ETV6: variants seen among roughly 807,000 people sequenced by gnomAD.
The protein encoded by ETV6 is ETS variant transcription factor 6, also known as transcription factor ETV6.
Under a neutral mutation model 51.1 loss-of-function variants are expected in ETV6, and 16 were observed. That is an observed-to-expected ratio of 0.31 (90% CI 0.21 to 0.48). ETV6 has a LOEUF of 0.48. Ranked by LOEUF, ETV6 falls within the 20% of genes least tolerant of loss-of-function variation. The pLI is 0.99. For synonymous variants in ETV6, 240 were observed against 224.1 expected, an observed-to-expected ratio of 1.07 and a Z score of -0.64; for missense variants, 458 against 594.8, an observed-to-expected ratio of 0.77 and a Z score of 2.39.
intron 2 of ETV6, among the ~76,000 whole-genome samples, chr12:11,797,428 C>T (rs904696054): frequency 2.0e-5 from 3 of 152,154 alleles, no homozygotes; most frequent in Non-Finnish European, 4.4e-5. Flanking sequence ...CCAGCATTAA[C>T]CTTAGAAACA....
At chr12:11,712,780 G>A (rs114420632) in intron 1 of ETV6, among the ~76,000 whole-genome samples, 1,918 of 152,216 alleles carry the variant, frequency 0.013, 31 homozygotes, top group African/African-American at 0.044. Context: ...GTATCTTCAC[G>A]GTGTTCAGGC....
At chr12:11,791,249 T>G (rs1945583639) in intron 2 of ETV6, among the ~76,000 whole-genome samples, 1 of 152,206 alleles carries the variant, frequency 6.6e-6, no homozygotes, top group African/African-American at 2.4e-5. Flanking sequence ...TCTCTTCTGG[T>G]GTCTTTGTCC....
intron 1 of ETV6, among the ~76,000 whole-genome samples, chr12:11,727,089 A>G (rs759768059): frequency 3.9e-5 from 6 of 152,192 alleles, no homozygotes; most frequent in Non-Finnish European, 7.3e-5. Flanking sequence ...GGGAAGAGAC[A>G]TTGTCTGTAT....
chr12:11,794,120 A>G (rs1945642796), intron 2 of ETV6, among the ~76,000 whole-genome samples: 1 of 152,202 alleles, frequency 6.6e-6, no homozygotes, highest in Non-Finnish European at 1.5e-5. Context: ...GCACAATGGG[A>G]ACCCACGGAA....
chr12:11,752,443 T>G lies in ETV6; in HGVS notation c.34-7T>G. ...CCCTCCCCTCTTCCTGCCCTTATTTTTAACAGCAGGAACGAATTTCATATA... is the reference window on the plus strand; with the variant it reads ...CCCTCCCCTCTTCCTGCCCTTATTTGTAACAGCAGGAACGAATTTCATATA... On this transcript the variant is annotated splice_polypyrimidine_tract_variant and splice_region_variant and intron_variant, in intron 1 of 7. Transcript: ENST00000396373. 6.2e-7 allele frequency: 1 copy of G among 1,607,314 alleles called. No individual in the cohort carries two copies. The highest frequency in any genetic ancestry group is 8.5e-7 in the Non-Finnish European group (1 of 1,174,930).
intron 2 of ETV6, among the ~76,000 whole-genome samples, chr12:11,800,420 C>G (rs1310605191): frequency 6.6e-6 from 1 of 152,098 alleles, no homozygotes; most frequent in Non-Finnish European, 1.5e-5. Flanking sequence ...GTGGTGAGAA[C>G]ATTTAAAATC....
intron 7 of ETV6, among the ~76,000 whole-genome samples, chr12:11,888,979 T>C (rs555182811): frequency 6.6e-5 from 10 of 152,220 alleles, no homozygotes; most frequent in African/African-American, 2.2e-4. Context: ...GACAACTAGA[T>C]TATAAGCTCC....
At chr12:11,791,081 G>A (rs771747592) in intron 2 of ETV6, among the ~76,000 whole-genome samples, 22 of 152,212 alleles carry the variant, frequency 1.4e-4, no homozygotes, top group Non-Finnish European at 2.9e-4. Flanking sequence ...ATCCTTTCAC[G>A]GATTCTGCCA....
intron 2 of ETV6, among the ~76,000 whole-genome samples, chr12:11,772,644 T>C: frequency 6.6e-6 from 1 of 152,226 alleles, no homozygotes; most frequent in South Asian, 2.1e-4. Context: ...GACTTGATAT[T>C]GACTAAAACA....
intron 1 of ETV6, among the ~76,000 whole-genome samples, chr12:11,717,498 A>G (rs1271696324): frequency 3.9e-5 from 6 of 152,172 alleles, no homozygotes; most frequent in African/African-American, 1.2e-4. Context: ...GCTTTTCCCT[A>G]TAGTGTAATA....
chr12:11,782,213 C>T (rs1303201140), intron 2 of ETV6, among the ~76,000 whole-genome samples: 4 of 152,170 alleles, frequency 2.6e-5, no homozygotes, highest in Non-Finnish European at 5.9e-5. Context: ...TACTCGTCTA[C>T]TCATGGCAAA....
chr12:11,673,129 C>T (rs1168082831), intron 1 of ETV6, among the ~76,000 whole-genome samples: 2 of 152,244 alleles, frequency 1.3e-5, no homozygotes, highest in South Asian at 2.1e-4. Flanking sequence ...GCTCTCGCAG[C>T]GGGCCATTTG....
At chr12:11,709,312 C>G (rs1865131161) in intron 1 of ETV6, among the ~76,000 whole-genome samples, 1 of 151,944 alleles carries the variant, frequency 6.6e-6, no homozygotes, top group Non-Finnish European at 1.5e-5. Context: ...TCCTTTTTTT[C>G]TTTTTTGAAA....
intron 1 of ETV6, among the ~76,000 whole-genome samples, chr12:11,736,695 CA>C (rs1489488806): frequency 6.6e-6 from 1 of 152,280 alleles, no homozygotes; most frequent in Non-Finnish European, 1.5e-5. Context: ...AAACACAAGT[CA>C]CAGAACTGGG....
At chr12:11,675,070 G>A (rs915147515) in intron 1 of ETV6, among the ~76,000 whole-genome samples, 2 of 152,208 alleles carry the variant, frequency 1.3e-5, no homozygotes, top group Non-Finnish European at 2.9e-5. Context: ...TCTGTTAATA[G>A]TTGTAGACCT....
At chr12:11,664,863 G>A (rs1414100716) in intron 1 of ETV6, among the ~76,000 whole-genome samples, 2 of 152,084 alleles carry the variant, frequency 1.3e-5, no homozygotes, top group African/African-American at 4.8e-5. Flanking sequence ...AACACAACTT[G>A]GAATGATTCT....
chr12:11,867,803 G>A (rs895598622), intron 4 of ETV6, among the ~76,000 whole-genome samples: 1 of 152,202 alleles, frequency 6.6e-6, no homozygotes. Context: ...CATCCTTTTG[G>A]TGAGACTGCC....
intron 1 of ETV6, among the ~76,000 whole-genome samples, chr12:11,654,558 C>G (rs996003586): frequency 1.3e-5 from 2 of 151,972 alleles, no homozygotes; most frequent in Non-Finnish European, 2.9e-5. Flanking sequence ...GCCAGCTGGT[C>G]TGAGGGCACG....
chr12:11,883,286 T>TTTTTTTTTG (rs1947132462), intron 5 of ETV6, among the ~76,000 whole-genome samples: 1 of 34,948 alleles, frequency 2.9e-5, no homozygotes, highest in Non-Finnish European at 1.0e-4. Context: ...CTTTTTTTTT[T>TTTTTTTTTG]TTTTTTTTTT....
Sources: gnomAD v4.1 joint callset for allele counts (sites outside exome capture counted in the v4.1 genomes callset) on GRCh38, gnomAD v4.1.1 for gene constraint, MANE v1.5 for transcripts, NCBI Gene and HGNC (gene_info 2026-07-23, HGNC 2026-07-21) for gene names.